The following RPH3A variants were observed in gnomAD, a reference collection of about 807,000 sequenced individuals.
The protein encoded by RPH3A is rabphilin 3A, also known as rabphilin-3A.
Under a neutral mutation model 102.2 loss-of-function variants are expected in RPH3A, and 48 were observed. The ratio of observed to expected loss-of-function variants is 0.47; its 90% CI spans 0.37 to 0.60. The LOEUF is 0.60. RPH3A is among the 20% of genes least tolerant of loss of function. The pLI is 0.00. For synonymous variants in RPH3A, 310 were observed against 324.3 expected, an observed-to-expected ratio of 0.96 and a Z score of 0.47; for missense variants, 781 against 910.1, an observed-to-expected ratio of 0.86 and a Z score of 1.83.
At chr12:112,871,312 T>C (rs539130264) in intron 10 of RPH3A, among the ~76,000 whole-genome samples, 1 of 152,240 alleles carries the variant, frequency 6.6e-6, no homozygotes, top group Non-Finnish European at 1.5e-5. Context: ...TTTTTTGTCA[T>C]TACAAACTGA....
chr12:112,670,446 T>C (rs1592935202), intron 1 of RPH3A, among the ~76,000 whole-genome samples: 1 of 152,294 alleles, frequency 6.6e-6, no homozygotes. Context: ...TCTTTTCTAC[T>C]GATCTCTTGA....
chr12:112,701,809 A>G (rs962507457), intron 1 of RPH3A, among the ~76,000 whole-genome samples: 1 of 152,222 alleles, frequency 6.6e-6, no homozygotes, highest in African/African-American at 2.4e-5. Flanking sequence ...GCAGGCACCA[A>G]TCTTCACATT....
intron 1 of RPH3A, among the ~76,000 whole-genome samples, chr12:112,700,505 C>T (rs1033371000): frequency 1.3e-5 from 2 of 151,962 alleles, no homozygotes; most frequent in Non-Finnish European, 2.9e-5. Context: ...ATTTTTGCAA[C>T]CTTCACTTCC....
intron 2 of RPH3A, among the ~76,000 whole-genome samples, chr12:112,798,252 T>G (rs1165852564): frequency 6.6e-6 from 1 of 152,194 alleles, no homozygotes; most frequent in Non-Finnish European, 1.5e-5. Context: ...CCCCTGCAAT[T>G]AATCAACAAG....
upstream of RPH3A, among the ~76,000 whole-genome samples, chr12:112,788,673 T>C (rs576401574): frequency 3.9e-5 from 6 of 152,318 alleles, 1 homozygote; most frequent in South Asian, 8.3e-4. Context: ...TGGTAGCTAT[T>C]GTCATTCCCT....
intron 2 of RPH3A, among the ~76,000 whole-genome samples, chr12:112,808,721 T>C (rs1478344682): frequency 1.3e-5 from 2 of 152,070 alleles, no homozygotes; most frequent in Non-Finnish European, 2.9e-5. Context: ...AGTACCGGTA[T>C]TGCCTGGAAC....
chr12:112,698,163 A>G (rs562969959), intron 1 of RPH3A, among the ~76,000 whole-genome samples: 2 of 152,334 alleles, frequency 1.3e-5, no homozygotes, highest in South Asian at 2.1e-4. Flanking sequence ...AAGAAATAAT[A>G]GTCTTTTCAA....
At chr12:112,675,207 T>A (rs2040166086) in intron 1 of RPH3A, among the ~76,000 whole-genome samples, 1 of 152,234 alleles carries the variant, frequency 6.6e-6, no homozygotes, top group Non-Finnish European at 1.5e-5. Context: ...TTTGTATTTC[T>A]CTGATGACTT....
intron 1 of RPH3A, among the ~76,000 whole-genome samples, chr12:112,682,758 C>T (rs2040236381): frequency 6.6e-6 from 1 of 152,146 alleles, no homozygotes; most frequent in South Asian, 2.1e-4. Context: ...CAGGGACATA[C>T]ATTCCCAGGA....
At chr12:112,867,710 T>G (rs1483969823) in intron 7 of RPH3A, among the ~76,000 whole-genome samples, 1 of 152,170 alleles carries the variant, frequency 6.6e-6, no homozygotes, top group East Asian at 1.9e-4. Flanking sequence ...AGCAGTGGGT[T>G]GGGGGGAGCC....
At chr12:112,611,715 G>A (rs1040568596) in intron 1 of RPH3A, among the ~76,000 whole-genome samples, 1 of 151,946 alleles carries the variant, frequency 6.6e-6, no homozygotes, top group Non-Finnish European at 1.5e-5. Flanking sequence ...CGAAGTGCTG[G>A]GATTACAGGT....
intron 1 of RPH3A, among the ~76,000 whole-genome samples, chr12:112,618,653 T>G (rs1010534418): frequency 6.6e-6 from 1 of 152,198 alleles, no homozygotes; most frequent in African/African-American, 2.4e-5. Flanking sequence ...CAAAGTAGGA[T>G]CATACTACAC....
rs992574405 is a variant in RPH3A at position 112,896,770 on chromosome 12, C to T, written c.2075C>T (p.Ser692Leu). The T allele has an allele frequency of 6.2e-7, 1 of 1,613,882 alleles. No individual in the cohort carries two copies. The highest frequency in any genetic ancestry group is 1.3e-5 in the African/African-American group (1 of 74,898). The change falls in exon 22 of 22, where the codon TCA (serine) becomes TTA (leucine). Residue 692 changes from serine (S) to leucine (L), a missense_variant. This residue lies in a region of RPH3A where 51 missense variants were observed against 100.1 expected (regional missense o/e 0.51). Coordinates refer to ENST00000389385, the MANE Select transcript of RPH3A (RefSeq NM_001143854.2). ...WHQLQNENHVSSD is the reference protein window; with the variant it reads ...WHQLQNENHVLSD ...CAGCTACAGAATGAGAACCACGTGT[C>T]AAGTGATTAGGCTAGTGCCCAGGTC...
At chr12:112,748,482 T>A (rs1199060487) in intron 1 of RPH3A, among the ~76,000 whole-genome samples, 1 of 152,156 alleles carries the variant, frequency 6.6e-6, no homozygotes, top group Non-Finnish European at 1.5e-5. Flanking sequence ...TACTGGCACA[T>A]GCCACCATGC....
chr12:112,851,685 A>C (rs1250309623), intron 5 of RPH3A, among the ~76,000 whole-genome samples: 4 of 152,154 alleles, frequency 2.6e-5, no homozygotes, highest in Non-Finnish European at 5.9e-5. Flanking sequence ...GCCAGGAGGA[A>C]TCTAAATCTT....
intron 2 of RPH3A, among the ~76,000 whole-genome samples, chr12:112,812,342 C>T (rs567797345): frequency 8.5e-5 from 13 of 152,274 alleles, no homozygotes; most frequent in Middle Eastern, 6.8e-3. Context: ...ACTCCCCATA[C>T]CTCCATGGAA....
At chr12:112,845,171 A>G (rs2042209149) in intron 4 of RPH3A, among the ~76,000 whole-genome samples, 1 of 152,192 alleles carries the variant, frequency 6.6e-6, no homozygotes, top group South Asian at 2.1e-4. Flanking sequence ...GGTATGAATA[A>G]CAGGAGGCAG....
intron 1 of RPH3A, among the ~76,000 whole-genome samples, chr12:112,705,975 C>T (rs2040424810): frequency 6.6e-6 from 1 of 152,130 alleles, no homozygotes; most frequent in African/African-American, 2.4e-5. Context: ...GGATGTGGTT[C>T]CTGATTTCAT....
chr12:112,807,069 A>T (rs962163507), intron 2 of RPH3A, among the ~76,000 whole-genome samples: 1 of 152,096 alleles, frequency 6.6e-6, no homozygotes, highest in African/African-American at 2.4e-5. Context: ...AGAGTGTGAG[A>T]TGTGAGGGTG....
Sources: gnomAD v4.1 joint callset for allele counts (sites outside exome capture counted in the v4.1 genomes callset) on GRCh38, gnomAD v4.1.1 for gene constraint, gnomAD v4.1.1 regional missense constraint, MANE v1.5 for transcripts, NCBI Gene and HGNC (gene_info 2026-07-23, HGNC 2026-07-21) for gene names.